Variants in FAM81A observed in about 807,000 individuals in gnomAD.
FAM81A encodes the protein family with sequence similarity 81 member A.
FAM81A carries 19 observed loss-of-function variants against 46.7 expected under a neutral mutation model. The observed-to-expected ratio is 0.41, with a 90% CI of 0.28 to 0.60. FAM81A has a LOEUF of 0.60. FAM81A is among the 20% of genes least tolerant of loss of function. The probability of loss-of-function intolerance (pLI) is 0.34; values close to 1 mark genes in which losing one functional copy is unlikely to be tolerated. For missense variants in FAM81A, 377 were observed against 453.5 expected (o/e 0.83, Z 1.53); for synonymous variants, 183 against 152.9 (o/e 1.20, Z -1.45).
At chr15:59,468,934 A>G (rs1188874843) in intron 3 of FAM81A, among the ~76,000 whole-genome samples, 1 of 152,030 alleles carries the variant, frequency 6.6e-6, no homozygotes, top group African/African-American at 2.4e-5. Context: ...CATTGGTTTC[A>G]ACATCTTTAT....
intron 3 of FAM81A, among the ~76,000 whole-genome samples, chr15:59,471,609 A>G (rs2081691491): frequency 6.7e-6 from 1 of 149,794 alleles, no homozygotes; most frequent in Non-Finnish European, 1.5e-5. Context: ...CTACAGACAC[A>G]TGCTACCATG....
chr15:59,458,618 G>T lies in FAM81A; in HGVS notation c.-9G>T. 1 of 1,613,906 alleles carries T rather than the reference G, an allele frequency of 6.2e-7. No individual in the cohort carries two copies. Among genetic ancestry groups the T allele is most frequent in the Non-Finnish European group, 8.5e-7 (1 of 1,179,816 alleles). ...TTCCTTCTCGTGTCACCAAGGAAAG[G>T]TATAATATATGGAAAATATGCATCT... On this transcript the variant is annotated 5_prime_UTR_variant, in exon 2 of 9. Transcript: ENST00000288228.
chr15:59,512,671 G>C (rs2082225035), intron 6 of FAM81A, among the ~76,000 whole-genome samples: 1 of 152,054 alleles, frequency 6.6e-6, no homozygotes, highest in African/African-American at 2.4e-5. Context: ...GTTCACGGTT[G>C]TGTACTTAGG....
At chr15:59,504,215 CAAAAT>C (rs771545776) in intron 4 of FAM81A, among the ~76,000 whole-genome samples, 6 of 151,954 alleles carry the variant, frequency 3.9e-5, no homozygotes, top group Non-Finnish European at 5.9e-5. Context: ...ATTATGAACT[CAAAAT>C]AAAAAATCAG....
intron 3 of FAM81A, among the ~76,000 whole-genome samples, chr15:59,478,040 C>T (rs910357537): frequency 9.2e-5 from 14 of 152,178 alleles, no homozygotes; most frequent in African/African-American, 3.1e-4. Flanking sequence ...TTATCGGTCC[C>T]TGGAAGCCGA....
intron 4 of FAM81A, among the ~76,000 whole-genome samples, chr15:59,494,813 A>T (rs2082017106): frequency 6.6e-6 from 1 of 152,096 alleles, no homozygotes. Flanking sequence ...TTTCATATTT[A>T]ATTTTATAGT....
upstream of FAM81A, among the ~76,000 whole-genome samples, chr15:59,437,269 C>T (rs2081249581): frequency 6.6e-6 from 1 of 151,860 alleles, no homozygotes; most frequent in Admixed American, 6.6e-5. Context: ...CAGGCTGGGG[C>T]GGGGTGGGGG....
At chr15:59,510,364 G>A (rs2082192948) in intron 6 of FAM81A, among the ~76,000 whole-genome samples, 1 of 131,718 alleles carries the variant, frequency 7.6e-6, no homozygotes, top group South Asian at 2.4e-4. Context: ...ATAGGACTCT[G>A]TCTCAAAAAA....
At chr15:59,417,090 T>C (rs1207672222) in intron 2 of FAM81A, among the ~76,000 whole-genome samples, 1 of 152,054 alleles carries the variant, frequency 6.6e-6, no homozygotes, top group East Asian at 1.9e-4. Flanking sequence ...ACTTCTGTGG[T>C]TGCCCTGAAA....
intron 3 of FAM81A, among the ~76,000 whole-genome samples, chr15:59,469,599 CTG>C (rs1178815542): frequency 6.6e-6 from 1 of 151,792 alleles, no homozygotes; most frequent in Non-Finnish European, 1.5e-5. Context: ...TATTTTGAGC[CTG>C]TGTGTGTCTT....
At chr15:59,401,479 C>A in intron 1 of FAM81A, 3 of 766,166 alleles carry the variant, frequency 3.9e-6, no homozygotes, top group Non-Finnish European at 7.1e-6. Flanking sequence ...AACGCAAGCC[C>A]ATTGGCCTGA....
At chr15:59,462,856 T>C (rs1398430360) in intron 3 of FAM81A, among the ~76,000 whole-genome samples, 1 of 152,198 alleles carries the variant, frequency 6.6e-6, no homozygotes, top group African/African-American at 2.4e-5. Context: ...ATTTTTATAT[T>C]GGGTTATTTG....
At chr15:59,461,429 G>A (rs992688843) in intron 3 of FAM81A, among the ~76,000 whole-genome samples, 4 of 152,140 alleles carry the variant, frequency 2.6e-5, no homozygotes, top group African/African-American at 7.2e-5. Context: ...GGGACTACAG[G>A]TGTGCACAAT....
At chr15:59,489,296 TAC>T (rs1567066558) in intron 3 of FAM81A, among the ~76,000 whole-genome samples, 7 of 150,664 alleles carry the variant, frequency 4.6e-5, no homozygotes, top group African/African-American at 7.3e-5. Flanking sequence ...CATACATACA[TAC>T]ATACATACAT....
chr15:59,503,463 G>A (rs2082116663), intron 4 of FAM81A, among the ~76,000 whole-genome samples: 1 of 151,682 alleles, frequency 6.6e-6, no homozygotes, highest in Non-Finnish European at 1.5e-5. Flanking sequence ...TGCAACATAA[G>A]TTTTTCCACA....
At chr15:59,417,581 G>T (rs999345577) in intron 2 of FAM81A, among the ~76,000 whole-genome samples, 4 of 151,642 alleles carry the variant, frequency 2.6e-5, no homozygotes, top group Non-Finnish European at 5.9e-5. Flanking sequence ...CAGGCATAAT[G>T]GTGCACGCCT....
intron 1 of FAM81A, chr15:59,401,782 T>C (rs2081071913): frequency 2.7e-6 from 2 of 740,750 alleles, no homozygotes; most frequent in Admixed American, 2.1e-5. Flanking sequence ...TTTTTTTTTT[T>C]TTTGGTGTTT....
chr15:59,464,963 T>G (rs1567055073), intron 3 of FAM81A, among the ~76,000 whole-genome samples: 1 of 152,210 alleles, frequency 6.6e-6, no homozygotes, highest in Non-Finnish European at 1.5e-5. Flanking sequence ...CATTTAGGTC[T>G]TTTGTCCATT....
chr15:59,480,119 G>C (rs2081831170), intron 3 of FAM81A, among the ~76,000 whole-genome samples: 1 of 152,174 alleles, frequency 6.6e-6, no homozygotes, highest in African/African-American at 2.4e-5. Context: ...CTGCCTATTG[G>C]AGGGAGAGAC....
Sources: allele counts gnomAD v4.1 joint callset (sites outside exome capture counted in the v4.1 genomes callset), GRCh38; gene constraint gnomAD v4.1.1; transcripts MANE v1.5; gene names NCBI Gene and HGNC (gene_info 2026-07-23, HGNC 2026-07-21).